Variants in GRIK2 observed in about 807,000 individuals in gnomAD.
The protein encoded by GRIK2 is glutamate receptor ionotropic, kainate 2.
A neutral mutation model predicts 100.3 loss-of-function variants in GRIK2; 32 were observed. The ratio of observed to expected loss-of-function variants is 0.32; its 90% CI spans 0.24 to 0.43. The LOEUF is 0.43. Ranked by LOEUF, GRIK2 falls within the 20% of genes least tolerant of loss-of-function variation. The pLI is 1.00. For missense variants in GRIK2, 843 were observed against 1,114.9 expected (o/e 0.76, Z 3.47); for synonymous variants, 417 against 389.4 (o/e 1.07, Z -0.83).
chr6:101,589,825 G>A (rs569811101), intron 2 of GRIK2, among the ~76,000 whole-genome samples: 3 of 152,048 alleles, frequency 2.0e-5, no homozygotes, highest in Non-Finnish European at 4.4e-5. Context: ...TATATCTGGA[G>A]CCATGGAGAG....
chr6:101,557,770 T>C (rs1327960116), intron 2 of GRIK2, among the ~76,000 whole-genome samples: 2 of 152,174 alleles, frequency 1.3e-5, no homozygotes, highest in Non-Finnish European at 2.9e-5. Context: ...GAAGGAATTG[T>C]TCCTGTTTTC....
chr6:102,042,383 T>C (rs1770635980), intron 15 of GRIK2, among the ~76,000 whole-genome samples: 1 of 151,636 alleles, frequency 6.6e-6, no homozygotes, highest in African/African-American at 2.4e-5. Flanking sequence ...CATCTTTCTT[T>C]TTTAGAAGAA....
At chr6:101,608,237 CTATTT>C (rs563756349) in intron 2 of GRIK2, among the ~76,000 whole-genome samples, 2 of 151,872 alleles carry the variant, frequency 1.3e-5, no homozygotes, top group African/African-American at 4.8e-5. Flanking sequence ...ACAATATTTC[CTATTT>C]TATTAGCCAT....
chr6:101,501,594 A>G (rs75121639), intron 2 of GRIK2, among the ~76,000 whole-genome samples: 3 of 152,290 alleles, frequency 2.0e-5, no homozygotes, highest in African/African-American at 7.2e-5. Context: ...TTACCAGTCA[A>G]CATGTCCTAC....
chr6:101,561,508 T>G (rs1777010560), intron 2 of GRIK2, among the ~76,000 whole-genome samples: 1 of 152,156 alleles, frequency 6.6e-6, no homozygotes, highest in African/African-American at 2.4e-5. Flanking sequence ...TATTATAGAT[T>G]TCAAAATAGC....
chr6:101,598,243 A>G (rs573399690), intron 2 of GRIK2, among the ~76,000 whole-genome samples: 360 of 151,416 alleles, frequency 2.4e-3, no homozygotes, highest in Non-Finnish European at 3.4e-3. Flanking sequence ...CCCCTTTTCA[A>G]TCTTCTTCCT....
chr6:101,910,240 A>C (rs1788579538), intron 12 of GRIK2, among the ~76,000 whole-genome samples: 1 of 151,204 alleles, frequency 6.6e-6, no homozygotes, highest in African/African-American at 2.4e-5. Context: ...CAGTTTTTGC[A>C]CTAAAAACTA....
At chr6:102,024,346 G>T (rs1375670145) in intron 14 of GRIK2, among the ~76,000 whole-genome samples, 1 of 151,056 alleles carries the variant, frequency 6.6e-6, no homozygotes, top group African/African-American at 2.4e-5. Context: ...ATTAATAGTG[G>T]ATATAAAATC....
chr6:101,972,759 C>A (rs1278413407), intron 14 of GRIK2, among the ~76,000 whole-genome samples: 4 of 151,850 alleles, frequency 2.6e-5, no homozygotes, highest in African/African-American at 9.7e-5. Flanking sequence ...TATTCTTCTG[C>A]ACATGGCTAG....
chr6:101,736,657 C>A (rs1218154343), intron 7 of GRIK2, among the ~76,000 whole-genome samples: 1 of 152,114 alleles, frequency 6.6e-6, no homozygotes, highest in African/African-American at 2.4e-5. Flanking sequence ...GCCCGGCCCA[C>A]AAAACCAGTT....
intron 12 of GRIK2, chr6:101,891,516 CAAAAAAA>C (rs5878701): frequency 1.1e-4 from 22 of 193,170 alleles, no homozygotes; most frequent in Admixed American, 3.1e-4. Flanking sequence ...GACTCCATCT[CAAAAAAA>C]AAAAAAAAAA....
At chr6:101,696,741 A>G (rs1772516444) in intron 7 of GRIK2, among the ~76,000 whole-genome samples, 1 of 152,018 alleles carries the variant, frequency 6.6e-6, no homozygotes, top group Admixed American at 6.6e-5. Context: ...GAAACATAGA[A>G]TAGGCAGGTT....
intron 14 of GRIK2, among the ~76,000 whole-genome samples, chr6:101,950,069 T>C (rs911454663): frequency 6.6e-6 from 1 of 152,142 alleles, no homozygotes; most frequent in African/African-American, 2.4e-5. Context: ...TAAATAACTT[T>C]CTCATTTTTT....
At chr6:101,615,952 T>C (rs1374002544) in intron 2 of GRIK2, among the ~76,000 whole-genome samples, 3 of 151,812 alleles carry the variant, frequency 2.0e-5, no homozygotes, top group Non-Finnish European at 4.4e-5. Flanking sequence ...GAAGTATATA[T>C]GCCCCTGATT....
intron 7 of GRIK2, among the ~76,000 whole-genome samples, chr6:101,788,353 TC>T (rs909170890): frequency 6.7e-6 from 1 of 150,248 alleles, no homozygotes. Flanking sequence ...ATGCTATCCC[TC>T]CCCCCTGCCC....
At chr6:101,409,991 A>G (rs1775807898) in intron 2 of GRIK2, among the ~76,000 whole-genome samples, 1 of 152,116 alleles carries the variant, frequency 6.6e-6, no homozygotes, top group Admixed American at 6.6e-5. Flanking sequence ...ATTAACTAAT[A>G]GAACAAACTT....
chr6:101,915,268 A>G (rs1789024937), intron 12 of GRIK2, among the ~76,000 whole-genome samples: 1 of 151,442 alleles, frequency 6.6e-6, no homozygotes, highest in Non-Finnish European at 1.5e-5. Flanking sequence ...CTGATAACAG[A>G]ATAACAACCA....
chr6:102,037,800 G>A lies in GRIK2; in HGVS notation c.2311+2234G>A, dbSNP rs564120611. On this transcript the variant is annotated intron_variant, in intron 15 of 16. Coordinates refer to ENST00000369134, the MANE Select transcript of GRIK2 (RefSeq NM_021956.5). ...AAATCTTGGCATTCTGCATAGTTAG[G>A]TCAGTTATGGTTCTTTCCCTCAATA... 1.9e-3 allele frequency among the ~76,000 whole-genome samples: 282 copies of A among 151,314 alleles called. 1 individual carries two copies. The highest frequency in any genetic ancestry group is 3.4e-3 in the Non-Finnish European group (231 of 67,518).
At chr6:101,663,512 T>TAGGAGAAGAAATATAC (rs1210390789) in intron 4 of GRIK2, among the ~76,000 whole-genome samples, 2 of 152,150 alleles carry the variant, frequency 1.3e-5, no homozygotes, top group Non-Finnish European at 2.9e-5. Flanking sequence ...TATGGTGAAG[T>TAGGAGAAGAAATATAC]AGGAGAAGAA....
Sources: gnomAD v4.1 joint callset for allele counts (sites outside exome capture counted in the v4.1 genomes callset) on GRCh38, gnomAD v4.1.1 for gene constraint, MANE v1.5 for transcripts, NCBI Gene and HGNC (gene_info 2026-07-23, HGNC 2026-07-21) for gene names.